Variants in MYCBP2 observed in about 807,000 individuals in gnomAD.
MYCBP2 encodes E3 ubiquitin-protein ligase MYCBP2.
Under a neutral mutation model 525.3 loss-of-function variants are expected in MYCBP2, and 120 were observed. The observed-to-expected ratio is 0.23, with a 90% CI of 0.20 to 0.27. The LOEUF (loss-of-function observed/expected upper bound fraction) is 0.27, where lower values mean the gene tolerates loss of function less well. MYCBP2 is among the 10% of genes least tolerant of loss of function. MYCBP2 has a pLI of 1.00. For synonymous variants in MYCBP2, 1,894 were observed against 1,955.8 expected, an observed-to-expected ratio of 0.97 and a Z score of 0.83; for missense variants, 4,149 against 5,657.1, an observed-to-expected ratio of 0.73 and a Z score of 8.55.
At chr13:77,294,333 T>C (rs2077944911) in intron 2 of MYCBP2, among the ~76,000 whole-genome samples, 1 of 151,714 alleles carries the variant, frequency 6.6e-6, no homozygotes, top group Non-Finnish European at 1.5e-5. Context: ...CTCTTACTCA[T>C]CTTTGTATCC....
At chr13:77,056,827 CAG>C (rs1042688359) in intron 79 of MYCBP2, among the ~76,000 whole-genome samples, 157 bp downstream of exon 79, 2 of 152,116 alleles carry the variant, frequency 1.3e-5, no homozygotes, top group African/African-American at 4.8e-5. Flanking sequence ...TGCATTATAA[CAG>C]AGAGATTATA....
At chr13:77,070,555 CA>C in intron 69 of MYCBP2, 75 bp downstream of exon 69, 9 of 1,094,292 alleles carry the variant, frequency 8.2e-6, no homozygotes, top group Non-Finnish European at 1.1e-5. Flanking sequence ...TAATAACAAA[CA>C]AACAGACAAA....
intron 26 of MYCBP2, among the ~76,000 whole-genome samples, chr13:77,203,303 A>C (rs1319932915): frequency 6.6e-6 from 1 of 152,156 alleles, no homozygotes; most frequent in African/African-American, 2.4e-5. Flanking sequence ...CAATTGCTTC[A>C]AAGAAAATAA....
At position 77,327,072 on chromosome 13, in the gene MYCBP2, G is replaced by C. The variant is rs1359095336; in HGVS notation, c.-297C>G. 9.1e-6 allele frequency: 4 copies of C among 437,366 alleles called. No individual in the cohort carries two copies. The East Asian group carries it at 1.1e-4, about 12-fold the overall frequency. 27.1% of individuals were successfully genotyped at this position (437,366 alleles called of 1,614,324 possible). Reference sequence around the variant, plus strand: ...CACCGCTACCACCGCCACCACCGCCGGGGCTACCCGCAATGGGAAGCTGCC... The same window carrying C: ...CACCGCTACCACCGCCACCACCGCCCGGGCTACCCGCAATGGGAAGCTGCC... On this transcript the variant is annotated 5_prime_UTR_variant, in exon 1 of 83. Coordinates refer to ENST00000544440, the MANE Select transcript of MYCBP2 (RefSeq NM_015057.5).
rs145976056 is a variant in MYCBP2, at chr13:77,137,532, C to T, written c.7659+1664G>A. ...CTTTGTGAGGCCAAGGTAAGATGAT[C>T]GCTTGAGCTCAGGAGTTTGAGACCA... On this transcript the variant is annotated intron_variant, in intron 52 of 82. Transcript: ENST00000544440. Among the ~76,000 whole-genome samples, 1,449 of 152,156 alleles carry T rather than the reference C, an allele frequency of 9.5e-3. 23 individuals carry two copies. Among genetic ancestry groups the T allele is most frequent in the African/African-American group, 0.032 (1,319 of 41,524 alleles).
intron 1 of MYCBP2, among the ~76,000 whole-genome samples, chr13:77,316,946 TTTG>T (rs2081018048): frequency 8.8e-6 from 1 of 113,062 alleles, no homozygotes; most frequent in African/African-American, 2.5e-5. Flanking sequence ...GACTTCTTTT[TTTG>T]TTGTTTTTTT....
intron 2 of MYCBP2, among the ~76,000 whole-genome samples, chr13:77,295,897 T>C (rs559122251): frequency 2.6e-5 from 4 of 152,196 alleles, no homozygotes; most frequent in African/African-American, 4.8e-5. Context: ...CAGAACAATA[T>C]GGACACACCA....
chr13:77,047,193 G>A (rs2035744349), intron 82 of MYCBP2, among the ~76,000 whole-genome samples: 1 of 152,200 alleles, frequency 6.6e-6, no homozygotes, highest in Non-Finnish European at 1.5e-5. Context: ...ACATCTGAGT[G>A]CTTACTACTG....
At chr13:77,087,711 T>C (rs2044579586) in intron 61 of MYCBP2, 78 bp from the exon 62 acceptor site, 1 of 1,239,598 alleles carries the variant, frequency 8.1e-7, no homozygotes, top group Non-Finnish European at 1.1e-6. Context: ...AGTACCTCCA[T>C]GGATTAAGAC....
At chr13:77,249,873 A>G (rs1159480035) in intron 15 of MYCBP2, among the ~76,000 whole-genome samples, 2 of 152,256 alleles carry the variant, frequency 1.3e-5, no homozygotes, top group Non-Finnish European at 2.9e-5. Flanking sequence ...AATAAATATT[A>G]TCCTTTGATA....
At chr13:77,097,317 C>G in intron 56 of MYCBP2, 53 bp downstream of exon 56, 1 of 1,533,164 alleles carries the variant, frequency 6.5e-7, no homozygotes, top group East Asian at 2.3e-5. Flanking sequence ...ATAAAGTGAT[C>G]TGGTTCATTA....
rs1349249517 is a variant in MYCBP2 at position 77,090,100 on chromosome 13, A to G, written c.10525+6T>C. 1 of 1,604,264 alleles carries G rather than the reference A, an allele frequency of 6.2e-7. No individual in the cohort carries two copies. Among genetic ancestry groups the G allele is most frequent in the East Asian group, 2.2e-5 (1 of 44,606 alleles). ...ACTCAATATTCTTTTTTATCCTCAT[A>G]CTTACCAGTGTCTCCACTGTTAACT... On this transcript the variant is annotated splice_donor_region_variant and intron_variant, in intron 60 of 82. Transcript: ENST00000544440.
intron 55 of MYCBP2, among the ~76,000 whole-genome samples, chr13:77,114,861 A>C (rs1410834989): frequency 6.6e-6 from 1 of 152,138 alleles, no homozygotes; most frequent in African/African-American, 2.4e-5. Context: ...AATAAATAAA[A>C]GTTGAAAAAT....
rs138921032 is a variant in MYCBP2, at chr13:77,078,680, C to A, written c.11484+144G>T. 255 of 661,164 alleles carry A rather than the reference C, an allele frequency of 3.9e-4. 1 individual carries two copies. In the African/African-American group the frequency reaches 3.9e-3, roughly 10 times the overall value. The allele number at this position is 661,164 out of a possible 1,614,324, so 41.0% of individuals were successfully genotyped here. A position where few individuals can be genotyped will look rare whatever the true frequency, so the allele number is the denominator to read the frequency against. On this transcript the variant is annotated intron_variant, in intron 66 of 82. Coordinates refer to ENST00000544440, the MANE Select transcript of MYCBP2 (RefSeq NM_015057.5). ...GTGGTTACTATTCCTATGTTTTGGA[C>A]CACTTGTCAATTTAGTGTTCTGTAA...
At chr13:77,263,619 AT>A in intron 10 of MYCBP2, 31 bp downstream of exon 10, 1 of 1,579,014 alleles carries the variant, frequency 6.3e-7, no homozygotes, top group Non-Finnish European at 8.6e-7. Context: ...GAAAATTAAA[AT>A]ATAGGGAAAA....
At chr13:77,139,945 T>G in intron 51 of MYCBP2, 102 bp downstream of exon 51, 1 of 680,578 alleles carries the variant, frequency 1.5e-6, no homozygotes, top group South Asian at 2.4e-5. Context: ...CCAAACTGCT[T>G]AAAACATATT....
At position 77,061,788 on chromosome 13, in the gene MYCBP2, A is replaced by G. The variant is rs1390045231; in HGVS notation, c.12777T>C (p.Pro4259=). The G allele has an allele frequency of 6.3e-7, 1 of 1,582,884 alleles. No homozygotes were observed. Among genetic ancestry groups the G allele is most frequent in the Non-Finnish European group, 8.6e-7 (1 of 1,159,472 alleles). The change falls in exon 75 of 83, where the codon CCT becomes CCC. Residue 4259 remains proline (P), a splice_region_variant and synonymous_variant. Transcript: ENST00000544440. ...CACCATCATCATGGTTATCACACAT[A>G]GGCTAAAATAAGACATTTCCACGTT... ...MGKDGQQKQM[P]MCDNHDDGET...
chr13:77,244,199 T>A (rs1248227992), intron 15 of MYCBP2, among the ~76,000 whole-genome samples: 1 of 152,208 alleles, frequency 6.6e-6, no homozygotes, highest in Non-Finnish European at 1.5e-5. Context: ...TACACACAGA[T>A]TCGACTATCA....
intron 23 of MYCBP2, among the ~76,000 whole-genome samples, chr13:77,208,542 T>C (rs1174351827): frequency 6.6e-6 from 1 of 152,226 alleles, no homozygotes; most frequent in Non-Finnish European, 1.5e-5. Flanking sequence ...ATTTTAATAA[T>C]GAAGCTGTTC....
Sources: allele counts gnomAD v4.1 joint callset (sites outside exome capture counted in the v4.1 genomes callset), GRCh38; gene constraint gnomAD v4.1.1; transcripts MANE v1.5; gene names NCBI Gene and HGNC (gene_info 2026-07-23, HGNC 2026-07-21).